GPR137C: variants seen among roughly 807,000 people sequenced by gnomAD.
GPR137C encodes the protein G protein-coupled receptor 137C.
GPR137C carries 27 observed loss-of-function variants against 43.4 expected under a neutral mutation model. The ratio of observed to expected loss-of-function variants is 0.62; its 90% CI spans 0.46 to 0.86. GPR137C has a LOEUF of 0.86. Ranked by LOEUF, GPR137C falls within the 40% of genes least tolerant of loss-of-function variation. The probability of loss-of-function intolerance (pLI) is 0.00; values close to 1 mark genes in which losing one functional copy is unlikely to be tolerated. For synonymous variants in GPR137C, 285 were observed against 226.9 expected (o/e 1.26, Z -2.30); for missense variants, 522 against 534.6 (o/e 0.98, Z 0.23).
chr14:52,589,132 G>A (rs2038749417), intron 1 of GPR137C, among the ~76,000 whole-genome samples: 1 of 152,130 alleles, frequency 6.6e-6, no homozygotes. Flanking sequence ...GTCACAAAAG[G>A]ACAAATATTG....
At chr14:52,615,589 A>G (rs1017057425) in intron 3 of GPR137C, among the ~76,000 whole-genome samples, 1 of 152,048 alleles carries the variant, frequency 6.6e-6, no homozygotes, top group Admixed American at 6.6e-5. Context: ...CTTCCAATCC[A>G]TGAACATGAA....
chr14:52,623,733 CCT>C (rs2039187615), intron 3 of GPR137C, among the ~76,000 whole-genome samples: 1 of 151,926 alleles, frequency 6.6e-6, no homozygotes, highest in Admixed American at 6.6e-5. Flanking sequence ...GACGTAGATT[CCT>C]CTCTTCATTG....
At chr14:52,574,847 T>C (rs974808888) in intron 1 of GPR137C, among the ~76,000 whole-genome samples, 1 of 152,208 alleles carries the variant, frequency 6.6e-6, no homozygotes, top group Non-Finnish European at 1.5e-5. Context: ...AATCTGGTGC[T>C]GCCTCTGTCT....
chr14:52,617,968 T>C (rs1335471315), intron 3 of GPR137C, among the ~76,000 whole-genome samples: 1 of 152,206 alleles, frequency 6.6e-6, no homozygotes, highest in Non-Finnish European at 1.5e-5. Flanking sequence ...TGTTATTTAT[T>C]ATGGTATTAA....
At chr14:52,634,212 G>C (rs74520652) in intron 6 of GPR137C, among the ~76,000 whole-genome samples, 4,089 of 152,124 alleles carry the variant, frequency 0.027, 71 homozygotes, top group South Asian at 0.044. Context: ...GTTCAGAGCT[G>C]TTTGTGGGAG....
At chr14:52,555,078 T>C (rs1026868641) in intron 1 of GPR137C, among the ~76,000 whole-genome samples, 1 of 152,128 alleles carries the variant, frequency 6.6e-6, no homozygotes, top group Non-Finnish European at 1.5e-5. Context: ...TGATACATTG[T>C]AATCTTCCTG....
chr14:52,610,095 G>A (rs938560146), intron 3 of GPR137C, among the ~76,000 whole-genome samples: 5 of 152,060 alleles, frequency 3.3e-5, no homozygotes, highest in African/African-American at 9.7e-5. Flanking sequence ...GGCCTCAGTC[G>A]CTTTTTCAAA....
At chr14:52,600,619 C>G (rs530618038) in intron 3 of GPR137C, among the ~76,000 whole-genome samples, 1 of 151,944 alleles carries the variant, frequency 6.6e-6, no homozygotes, top group East Asian at 1.9e-4. Flanking sequence ...AAAAAATATC[C>G]TGAATGACAG....
chr14:52,621,817 A>G (rs1215938442), intron 3 of GPR137C, among the ~76,000 whole-genome samples: 1 of 151,724 alleles, frequency 6.6e-6, no homozygotes, highest in African/African-American at 2.4e-5. Flanking sequence ...TGATGATGCC[A>G]GAGAGCTTTT....
intron 1 of GPR137C, among the ~76,000 whole-genome samples, chr14:52,593,740 G>GC (rs1470963493): frequency 6.6e-6 from 1 of 151,790 alleles, no homozygotes; most frequent in Non-Finnish European, 1.5e-5. Context: ...TATTAGTCTT[G>GC]CTAGCGGTCT....
At chr14:52,583,827 A>G (rs1025632891) in intron 1 of GPR137C, among the ~76,000 whole-genome samples, 70 of 152,126 alleles carry the variant, frequency 4.6e-4, no homozygotes, top group Non-Finnish European at 8.8e-5. Flanking sequence ...TTGATAACCC[A>G]TCTAATGTCT....
intron 6 of GPR137C, among the ~76,000 whole-genome samples, chr14:52,634,454 A>T (rs886090087): frequency 4.6e-5 from 7 of 152,108 alleles, no homozygotes; most frequent in Non-Finnish European, 1.0e-4. Flanking sequence ...CATGAAGCAT[A>T]ATGGCTTCAG....
chr14:52,587,004 C>T lies in GPR137C; in HGVS notation c.445-11268C>T, dbSNP rs1391089871. Among the ~76,000 whole-genome samples the T allele has an allele frequency of 4.6e-5, 7 of 152,254 alleles. No individual in the cohort carries two copies. The East Asian group carries it at 1.4e-3, about 29-fold the overall frequency. ...ATCATATTACAGAGTTTATAGCCAG[C>T]CCAATTCTTCAGCATTTTATACAAA... On this transcript the variant is annotated intron_variant, in intron 1 of 6. Coordinates refer to ENST00000321662, the MANE Select transcript of GPR137C (RefSeq NM_001099652.2).
rs1594802353 is a variant in GPR137C, at chr14:52,611,464, T to G, written c.717+11123T>G. 1.2e-5 allele frequency: 3 copies of G among 249,460 alleles called. No homozygotes were observed. In the Admixed American group the frequency reaches 1.9e-4, roughly 16 times the overall value. 15.5% of individuals were successfully genotyped at this position (249,460 alleles called of 1,614,324 possible). A position where few individuals can be genotyped will look rare whatever the true frequency, so the allele number is the denominator to read the frequency against. On this transcript the variant is annotated intron_variant, in intron 3 of 6. Transcript: ENST00000321662. ...TTTTCTATTTATTATACAAATATAG[T>G]AAATTGTTTGACTAGATTTTTGTCA...
chr14:52,565,547 C>T (rs1224461494), intron 1 of GPR137C, among the ~76,000 whole-genome samples: 3 of 152,162 alleles, frequency 2.0e-5, no homozygotes, highest in Non-Finnish European at 4.4e-5. Flanking sequence ...CACTATTTTA[C>T]ATTTATTTCA....
chr14:52,560,935 G>A (rs750302812), intron 1 of GPR137C, among the ~76,000 whole-genome samples: 25 of 152,172 alleles, frequency 1.6e-4, no homozygotes, highest in Non-Finnish European at 3.1e-4. Context: ...CACAGACTGG[G>A]AGGAAATATT....
intron 1 of GPR137C, among the ~76,000 whole-genome samples, chr14:52,593,649 T>C (rs1267218928): frequency 6.6e-6 from 1 of 152,208 alleles, no homozygotes; most frequent in Non-Finnish European, 1.5e-5. Flanking sequence ...TGATGGTAGT[T>C]TGTAATTCTG....
Position 52,553,330 on chromosome 14 carries a change from C to T in GPR137C, c.183C>T (p.Phe61=), listed in dbSNP as rs556422200. The part of the protein sequence containing the change: ...VLHALLYAAL[F]AFAYLQLWRL... Reference sequence around the variant, plus strand: ...ACGCCCTGCTCTACGCCGCGCTGTTCGCCTTTGCCTACCTGCAGCTGTGGC... The same window carrying T: ...ACGCCCTGCTCTACGCCGCGCTGTTTGCCTTTGCCTACCTGCAGCTGTGGC... The change falls in exon 1 of 7, where the codon TTC becomes TTT. Residue 61 remains phenylalanine (F), a synonymous_variant. Transcript: ENST00000321662. The T allele has an allele frequency of 3.2e-5, 51 of 1,596,322 alleles. No individual in the cohort carries two copies. The Middle Eastern group carries it at 1.0e-3, about 32-fold the overall frequency.
At chr14:52,571,744 T>C (rs921865428) in intron 1 of GPR137C, among the ~76,000 whole-genome samples, 1 of 151,568 alleles carries the variant, frequency 6.6e-6, no homozygotes, top group Non-Finnish European at 1.5e-5. Flanking sequence ...AAGAAATAAC[T>C]AAGATCAGAG....
Sources: allele counts gnomAD v4.1 joint callset (sites outside exome capture counted in the v4.1 genomes callset), GRCh38; gene constraint gnomAD v4.1.1; transcripts MANE v1.5; gene names NCBI Gene and HGNC (gene_info 2026-07-23, HGNC 2026-07-21).